Variants in SLA observed in about 807,000 individuals in gnomAD.
SLA encodes the protein src-like-adapter.
In SLA, 16 loss-of-function variants were observed where a neutral mutation model predicts 30.3. The observed-to-expected ratio is 0.53, with a 90% CI of 0.36 to 0.80. The LOEUF is 0.80. Ranked by LOEUF, SLA falls within the 30% of genes least tolerant of loss-of-function variation. SLA has a pLI of 0.01. For missense variants in SLA, 310 were observed against 345.2 expected (o/e 0.90, Z 0.81); for synonymous variants, 143 against 137.8 (o/e 1.04, Z -0.26).
At position 133,096,328 on chromosome 8, in the gene SLA, G is replaced by C; in HGVS notation, c.-319+6225C>G. 1 of 1,614,210 alleles carries C rather than the reference G, an allele frequency of 6.2e-7. No individual in the cohort carries two copies. The highest frequency in any genetic ancestry group is 1.6e-4 in the Middle Eastern group (1 of 6,062). ...GGGTAGAGGTCGATCTGCTCATTGGGAGTTCTCAGGACGACGGGCTCATCA... is the reference window on the plus strand; with the variant it reads ...GGGTAGAGGTCGATCTGCTCATTGGCAGTTCTCAGGACGACGGGCTCATCA... On this transcript the variant is annotated intron_variant, in intron 1 of 8. Coordinates refer to ENST00000338087, the MANE Select transcript of SLA (RefSeq NM_001045556.3).
chr8:133,061,919 A>G (rs147453783), intron 2 of SLA, among the ~76,000 whole-genome samples: 103 of 152,342 alleles, frequency 6.8e-4, no homozygotes, highest in African/African-American at 2.4e-3. Context: ...TTAAGAAACA[A>G]GGAACACCAA....
rs988376856 is a variant in SLA, at chr8:133,044,918, C to T, written c.484+66G>A. The T allele has an allele frequency of 7.8e-6, 12 of 1,534,432 alleles. No homozygotes were observed. In the African/African-American group the frequency reaches 1.4e-4, roughly 17 times the overall value. ...ACCCCTCTGCATTCCAGACGGATGG[C>T]GCCACAGAGCAATTAGCTAAGAGGG... On this transcript the variant is annotated intron_variant, in intron 7 of 8. Coordinates refer to ENST00000338087, the MANE Select transcript of SLA (RefSeq NM_001045556.3).
intron 1 of SLA, chr8:133,094,929 G>C: frequency 2.1e-6 from 3 of 1,442,408 alleles, no homozygotes; most frequent in Non-Finnish European, 2.9e-6. Context: ...ATGGGTCCTG[G>C]GACTCCCAAG....
chr8:133,063,224 C>A (rs1842627903), intron 2 of SLA, among the ~76,000 whole-genome samples: 1 of 151,992 alleles, frequency 6.6e-6, no homozygotes, highest in Non-Finnish European at 1.5e-5. Flanking sequence ...TGCCCAGAAC[C>A]CCGCCCCCAT....
intron 2 of SLA, among the ~76,000 whole-genome samples, chr8:133,073,415 G>A (rs932520593): frequency 5.3e-5 from 8 of 151,860 alleles, no homozygotes; most frequent in African/African-American, 1.9e-4. Flanking sequence ...GAGTGCAGTG[G>A]CACCATCTCA....
At chr8:133,045,697 A>G (rs1444827035) in intron 6 of SLA, among the ~76,000 whole-genome samples, 1 of 152,132 alleles carries the variant, frequency 6.6e-6, no homozygotes, top group Non-Finnish European at 1.5e-5. Context: ...GCCGGGCCTC[A>G]TCCTCTTTGC....
At chr8:133,062,332 T>C (rs1277510392) in intron 2 of SLA, among the ~76,000 whole-genome samples, 1 of 152,198 alleles carries the variant, frequency 6.6e-6, no homozygotes, top group Non-Finnish European at 1.5e-5. Context: ...AGGGCAGGGA[T>C]ACATTGGCCT....
At chr8:133,070,691 C>T (rs1336033850) in intron 2 of SLA, among the ~76,000 whole-genome samples, 1 of 152,242 alleles carries the variant, frequency 6.6e-6, no homozygotes, top group East Asian at 1.9e-4. Context: ...GTAATACCTT[C>T]ATCCCAGCTT....
chr8:133,095,777 G>A (rs562750751), intron 1 of SLA, among the ~76,000 whole-genome samples: 2 of 152,354 alleles, frequency 1.3e-5, no homozygotes, highest in South Asian at 2.1e-4. Flanking sequence ...GATCGCCTTA[G>A]CAATGAGTCT....
intron 2 of SLA, among the ~76,000 whole-genome samples, chr8:133,069,219 C>T (rs531309055): frequency 6.6e-6 from 1 of 152,372 alleles, no homozygotes; most frequent in Non-Finnish European, 1.5e-5. Context: ...TTCTTTATTG[C>T]ATCGTATTTC....
intron 2 of SLA, among the ~76,000 whole-genome samples, chr8:133,068,689 C>G (rs375317366): frequency 3.3e-5 from 5 of 152,200 alleles, no homozygotes; most frequent in African/African-American, 1.2e-4. Flanking sequence ...CGTGTCAGTA[C>G]AGTGAGTGGG....
intron 1 of SLA, among the ~76,000 whole-genome samples, chr8:133,085,221 G>T (rs1846336381): frequency 5.3e-5 from 8 of 152,158 alleles, no homozygotes. Flanking sequence ...GTAAAAACAA[G>T]TTTTTATATA....
chr8:133,085,492 A>T (rs568203663), intron 1 of SLA, among the ~76,000 whole-genome samples: 3 of 152,226 alleles, frequency 2.0e-5, no homozygotes, highest in Non-Finnish European at 4.4e-5. Flanking sequence ...CATAAAGAAC[A>T]CTTACAACTC....
At chr8:133,040,811 CAAAGAT>C (rs1838076384) in intron 7 of SLA, among the ~76,000 whole-genome samples, 1 of 152,042 alleles carries the variant, frequency 6.6e-6, no homozygotes, top group Admixed American at 6.6e-5. Flanking sequence ...GAAGAGAAAA[CAAAGAT>C]AAAGAGGGCA....
chr8:133,040,257 C>T, intron 7 of SLA, 127 bp from the exon 8 acceptor site: 1 of 1,023,212 alleles, frequency 9.8e-7, no homozygotes, highest in Non-Finnish European at 1.4e-6. Flanking sequence ...CCTGAGATTT[C>T]AAAGGGGCAT....
At chr8:133,095,100 G>A (rs913944081) in intron 1 of SLA, 2 of 1,614,112 alleles carry the variant, frequency 1.2e-6, no homozygotes, top group Non-Finnish European at 1.7e-6. Flanking sequence ...CTCAGCAGCA[G>A]GCAATTGCTT....
At chr8:133,062,717 A>T (rs1462907616) in intron 2 of SLA, among the ~76,000 whole-genome samples, 1 of 151,990 alleles carries the variant, frequency 6.6e-6, no homozygotes, top group Non-Finnish European at 1.5e-5. Flanking sequence ...AGGGTGTCGT[A>T]CACAGGCCTC....
At chr8:133,041,985 C>A (rs2741190) in intron 7 of SLA, among the ~76,000 whole-genome samples, 14 of 151,236 alleles carry the variant, frequency 9.3e-5, no homozygotes, top group Non-Finnish European at 1.6e-4. Flanking sequence ...GATGGAGTTT[C>A]ACCATGTTGG....
intron 2 of SLA, among the ~76,000 whole-genome samples, chr8:133,068,878 C>T (rs1282468379): frequency 6.6e-6 from 1 of 152,280 alleles, no homozygotes; most frequent in African/African-American, 2.4e-5. Context: ...CAGCCTGTGG[C>T]TCTGTTGGAC....
Sources: gnomAD v4.1 joint callset for allele counts (sites outside exome capture counted in the v4.1 genomes callset) on GRCh38, gnomAD v4.1.1 for gene constraint, MANE v1.5 for transcripts, NCBI Gene and HGNC (gene_info 2026-07-23, HGNC 2026-07-21) for gene names.